Variants in CCDC30 observed in about 807,000 individuals in gnomAD.
CCDC30 encodes the protein coiled-coil domain-containing protein 30.
A neutral mutation model predicts 100.2 loss-of-function variants in CCDC30; 70 were observed. The ratio of observed to expected loss-of-function variants is 0.70; its 90% CI spans 0.58 to 0.85. CCDC30 has a LOEUF of 0.85. Ranked by LOEUF, CCDC30 falls within the 40% of genes least tolerant of loss-of-function variation. The pLI is 0.00. For missense variants in CCDC30, 652 were observed against 771.2 expected, an observed-to-expected ratio of 0.85 and a Z score of 1.83; for synonymous variants, 233 against 269.5, an observed-to-expected ratio of 0.86 and a Z score of 1.33.
Position 42,500,211 on chromosome 1 carries a change from T to C in CCDC30, c.456+1295T>C. The C allele has an allele frequency of 4.5e-6, 7 of 1,567,658 alleles. No individual in the cohort carries two copies. The South Asian group carries it at 5.6e-5, about 12-fold the overall frequency. ...ATTGGCGGTGCACGCCTCATTATGA[T>C]TCGCCTGCTTGCTTCTCCTGTTCAA... is the stretch of plus-strand genomic sequence containing the variant. On this transcript the variant is annotated intron_variant, in intron 6 of 16. Coordinates refer to ENST00000668663, the Ensembl canonical transcript of CCDC30.
chr1:42,579,499 T>G (rs1286262457), intron 8 of CCDC30, among the ~76,000 whole-genome samples: 1 of 151,506 alleles, frequency 6.6e-6, no homozygotes, highest in Non-Finnish European at 1.5e-5. Flanking sequence ...CCAGGTGTGG[T>G]GGCACGTGCC....
chr1:42,523,818 T>A (rs1280760019), intron 6 of CCDC30, among the ~76,000 whole-genome samples: 2 of 152,192 alleles, frequency 1.3e-5, no homozygotes, highest in Non-Finnish European at 2.9e-5. Context: ...ATTTCAATTG[T>A]CATATCTTCA....
intron 2 of CCDC30, among the ~76,000 whole-genome samples, chr1:42,481,810 T>C (rs56842267): frequency 0.014 from 2,184 of 152,254 alleles, 51 homozygotes; most frequent in African/African-American, 0.05. Flanking sequence ...AACCCAAGAT[T>C]AAACTGTACA....
At chr1:42,635,807 CA>C (rs199893593) in intron 11 of CCDC30, among the ~76,000 whole-genome samples, 25,818 of 101,612 alleles carry the variant, frequency 0.25, 2,492 homozygotes, top group South Asian at 0.37. Context: ...GACTCCATCT[CA>C]AAAAAAAAAA....
In CCDC30 at chr1:42,596,890, C is replaced by G. The variant is rs1165175448; in HGVS notation, c.1164+7407C>G. ...AAGGGCTCTAAGGAATAAAGTAGACCACATGCAGGAAGAGATGGGCAATGC... is the reference window on the plus strand; with the variant it reads ...AAGGGCTCTAAGGAATAAAGTAGACGACATGCAGGAAGAGATGGGCAATGC... On this transcript the variant is annotated intron_variant, in intron 10 of 16. Coordinates refer to ENST00000668663, the Ensembl canonical transcript of CCDC30. This position sits in a 1 kb window ranked among gnomAD's most constrained non-coding sequence, Gnocchi z 4.3. Among the ~76,000 whole-genome samples the G allele has an allele frequency of 6.6e-6, 1 of 151,932 alleles. No homozygotes were observed. Among genetic ancestry groups the G allele is most frequent in the African/African-American group, 2.4e-5 (1 of 41,362 alleles).
At chr1:42,578,822 C>T (rs1226838376) in intron 8 of CCDC30, among the ~76,000 whole-genome samples, 3 of 152,124 alleles carry the variant, frequency 2.0e-5, no homozygotes, top group South Asian at 4.2e-4. Flanking sequence ...CCCAAATGTC[C>T]CCTGGCAAAA....
chr1:42,462,713 G>T (rs965846648), upstream of CCDC30, among the ~76,000 whole-genome samples: 1 of 152,082 alleles, frequency 6.6e-6, no homozygotes, highest in African/African-American at 2.4e-5. Flanking sequence ...TTTTTATTTT[G>T]CATTACATAG....
chr1:42,527,919 G>A (rs897166477), intron 6 of CCDC30, among the ~76,000 whole-genome samples: 1 of 151,366 alleles, frequency 6.6e-6, no homozygotes, highest in Non-Finnish European at 1.5e-5. Flanking sequence ...AGGCTGGAGT[G>A]CAATGGCGCG....
intron 10 of CCDC30, among the ~76,000 whole-genome samples, chr1:42,608,653 C>T (rs1273052975): frequency 2.1e-5 from 3 of 143,268 alleles, no homozygotes; most frequent in East Asian, 2.1e-4. Context: ...TGCCGTGAGC[C>T]GAGATCGCGC....
chr1:42,510,569 A>T (rs919292353), intron 6 of CCDC30, among the ~76,000 whole-genome samples: 14 of 151,944 alleles, frequency 9.2e-5, no homozygotes, highest in Admixed American at 3.9e-4. Flanking sequence ...AGGCAGGAGA[A>T]TCACTTGAAC....
intron 6 of CCDC30, among the ~76,000 whole-genome samples, chr1:42,562,657 A>G (rs747804382): frequency 8.5e-5 from 13 of 152,350 alleles, no homozygotes; most frequent in Non-Finnish European, 1.6e-4. Context: ...AACTATCATT[A>G]GAGTGAACAG....
At chr1:42,525,679 A>G (rs1644712951) in intron 6 of CCDC30, among the ~76,000 whole-genome samples, 1 of 152,230 alleles carries the variant, frequency 6.6e-6, no homozygotes. Context: ...TGCTTAAATA[A>G]TATTAAACTT....
At chr1:42,525,971 T>A (rs1644718017) in intron 6 of CCDC30, among the ~76,000 whole-genome samples, 1 of 152,184 alleles carries the variant, frequency 6.6e-6, no homozygotes, top group Non-Finnish European at 1.5e-5. Context: ...GGCTCAGTAT[T>A]CAGGAAAGAC....
At chr1:42,461,353 A>G (rs1396593300), upstream of CCDC30, among the ~76,000 whole-genome samples, 4 of 152,176 alleles carry the variant, frequency 2.6e-5, no homozygotes, top group African/African-American at 9.6e-5. Context: ...AAATTTTCTT[A>G]GAGACAAGGT....
chr1:42,502,205 A>G (rs1372259036), intron 6 of CCDC30, among the ~76,000 whole-genome samples: 1 of 152,018 alleles, frequency 6.6e-6, no homozygotes. Flanking sequence ...TCGATCTCAG[A>G]CTGCTGTGCT....
chr1:42,510,790 C>T (rs1160049934), intron 6 of CCDC30, among the ~76,000 whole-genome samples: 4 of 151,958 alleles, frequency 2.6e-5, no homozygotes, highest in Non-Finnish European at 5.9e-5. Context: ...TAAGGGGGAT[C>T]CTCAGATGGT....
intron 1 of CCDC30, among the ~76,000 whole-genome samples, chr1:42,465,122 C>A (rs978900673): frequency 5.3e-5 from 8 of 152,006 alleles, no homozygotes; most frequent in Non-Finnish European, 8.8e-5. Flanking sequence ...TTAACCTGGG[C>A]AAACATGGCA....
At chr1:42,516,719 C>T (rs1644561015) in intron 6 of CCDC30, among the ~76,000 whole-genome samples, 2 of 152,118 alleles carry the variant, frequency 1.3e-5, no homozygotes, top group Non-Finnish European at 2.9e-5. Context: ...TGCAGCTGCT[C>T]AGTCTTGAAC....
intron 11 of CCDC30, among the ~76,000 whole-genome samples, chr1:42,618,286 G>A (rs1240468039): frequency 6.9e-6 from 1 of 145,284 alleles, no homozygotes; most frequent in African/African-American, 2.6e-5. Flanking sequence ...GCCCAGGCTG[G>A]AGTGCAGTGG....
Sources: allele counts gnomAD v4.1 joint callset (sites outside exome capture counted in the v4.1 genomes callset), GRCh38; gene constraint gnomAD v4.1.1; non-coding constraint Gnocchi (gnomAD v3.1); transcripts MANE v1.5; gene names NCBI Gene and HGNC (gene_info 2026-07-23, HGNC 2026-07-21).